Variants in MYOZ2 observed in about 807,000 individuals in gnomAD.
MYOZ2 encodes the protein myozenin-2.
MYOZ2 carries 19 observed loss-of-function variants against 25.4 expected under a neutral mutation model. The observed-to-expected ratio is 0.75, with a 90% CI of 0.52 to 1.10. The LOEUF (loss-of-function observed/expected upper bound fraction) is 1.10. Among genes scored for constraint, MYOZ2 ranks in the 50% least tolerant of loss-of-function variants. The pLI is 0.00. For synonymous variants in MYOZ2, 92 were observed against 106.9 expected (o/e 0.86, Z 0.86); for missense variants, 270 against 317.9 (o/e 0.85, Z 1.15).
intron 2 of MYOZ2, among the ~76,000 whole-genome samples, chr4:119,138,855 T>C (rs1741096832): frequency 6.6e-6 from 1 of 152,134 alleles, no homozygotes; most frequent in Admixed American, 6.6e-5. Context: ...GGAAATTCAA[T>C]CCCATTCTTG....
intron 5 of MYOZ2, among the ~76,000 whole-genome samples, chr4:119,170,098 C>T (rs1055695579): frequency 6.6e-6 from 1 of 152,040 alleles, no homozygotes; most frequent in Non-Finnish European, 1.5e-5. Flanking sequence ...TGTCGTGCCA[C>T]CATCACCACC....
At chr4:119,151,611 A>G (rs1433495878) in intron 3 of MYOZ2, among the ~76,000 whole-genome samples, 1 of 152,184 alleles carries the variant, frequency 6.6e-6, no homozygotes, top group African/African-American at 2.4e-5. Flanking sequence ...AACAAAAATT[A>G]AACTACATTT....
intron 5 of MYOZ2, among the ~76,000 whole-genome samples, chr4:119,167,444 ATCT>A (rs1464540572): frequency 6.6e-6 from 1 of 150,720 alleles, no homozygotes; most frequent in Non-Finnish European, 1.5e-5. Flanking sequence ...GAAAGACGCC[ATCT>A]TCTTAACTTT....
chr4:119,166,226 A>G (rs1741820789), intron 5 of MYOZ2, among the ~76,000 whole-genome samples: 1 of 152,148 alleles, frequency 6.6e-6, no homozygotes, highest in South Asian at 2.1e-4. Flanking sequence ...ACATGATATG[A>G]TACATAGACA....
At chr4:119,146,254 C>A (rs879483854) in intron 2 of MYOZ2, among the ~76,000 whole-genome samples, 1 of 150,892 alleles carries the variant, frequency 6.6e-6, no homozygotes, top group African/African-American at 2.4e-5. Context: ...CTATTTCTTT[C>A]GTTCTGCTTG....
At chr4:119,165,285 G>A (rs1027457650) in intron 5 of MYOZ2, among the ~76,000 whole-genome samples, 2 of 151,344 alleles carry the variant, frequency 1.3e-5, no homozygotes. Context: ...TGAGGTGGGT[G>A]GATCACTTGA....
intron 4 of MYOZ2, among the ~76,000 whole-genome samples, chr4:119,160,598 T>C (rs566642201): frequency 1.6e-4 from 25 of 152,242 alleles, no homozygotes; most frequent in African/African-American, 5.5e-4. Flanking sequence ...AATATGTGTG[T>C]GGTTGTATAT....
In MYOZ2 at chr4:119,157,641, C is replaced by A. The variant is rs1741611176; in HGVS notation, c.247-381C>A. On this transcript the variant is annotated intron_variant, in intron 3 of 5. Coordinates refer to ENST00000307128, the MANE Select transcript of MYOZ2 (RefSeq NM_016599.5). ...AAGATTTACTAGGCCAAATGCTTAG[C>A]CAGTATGCTCTACATTATTAGATTA... 2.6e-5 allele frequency among the ~76,000 whole-genome samples: 4 copies of A among 152,076 alleles called. No homozygotes were observed. The South Asian group carries it at 8.3e-4, about 32-fold the overall frequency.
intron 5 of MYOZ2, among the ~76,000 whole-genome samples, chr4:119,178,327 G>A (rs1055545948): frequency 2.0e-5 from 3 of 152,078 alleles, no homozygotes; most frequent in African/African-American, 7.2e-5. Flanking sequence ...TATCACCTGT[G>A]TGCTGATAAT....
rs1561104817 is a variant in MYOZ2 at position 119,145,550 on chromosome 4, T to TGTGTGTGTGTG, written c.77-5322_77-5321insGTGTGTGTGTG. 5.6e-3 allele frequency among the ~76,000 whole-genome samples: 580 copies of TGTGTGTGTGTG among 102,980 alleles called. 3 individuals are homozygous for TGTGTGTGTGTG. The highest frequency in any genetic ancestry group is 7.6e-3 in the Non-Finnish European group (366 of 48,046). 67.6% of individuals were successfully genotyped at this position (102,980 alleles called of 152,430 possible). ...TGTGTGTGTGTGTGTGTGTGTGTGT[T>TGTGTGTGTGTG]TTTGGTAGAGACTTGGTTTCACCAT... On this transcript the variant is annotated intron_variant, in intron 2 of 5. Coordinates refer to ENST00000307128, the MANE Select transcript of MYOZ2 (RefSeq NM_016599.5).
At chr4:119,142,422 C>A (rs2149219063) in intron 2 of MYOZ2, among the ~76,000 whole-genome samples, 2 of 152,296 alleles carry the variant, frequency 1.3e-5, no homozygotes, top group Middle Eastern at 6.8e-3. Flanking sequence ...TTCATAGACA[C>A]ACTAAAAAAT....
intron 2 of MYOZ2, among the ~76,000 whole-genome samples, chr4:119,141,818 G>C (rs1448131235): frequency 1.3e-5 from 2 of 152,204 alleles, no homozygotes; most frequent in Non-Finnish European, 2.9e-5. Flanking sequence ...GCAAGGGTTT[G>C]CAGCGAAGGG....
intron 2 of MYOZ2, 132 bp from the exon 3 acceptor site, chr4:119,150,740 G>A (rs1741428060): frequency 5.6e-6 from 5 of 886,592 alleles, no homozygotes; most frequent in Non-Finnish European, 7.0e-6. Context: ...AGGAACTGAG[G>A]TTTAGAGAAA....
At position 119,187,686 on chromosome 4, in the gene MYOZ2, GATA is replaced by G. The variant is rs1156746465; in HGVS notation, c.*1489_*1491del. The G allele has an allele frequency of 6.6e-6, 1 of 152,048 alleles. No individual in the cohort carries two copies. The highest frequency in any genetic ancestry group is 1.5e-5 in the Non-Finnish European group (1 of 68,000). The allele number at this position is 152,048 out of a possible 1,614,324, so 9.4% of individuals were successfully genotyped here. On this transcript the variant is annotated 3_prime_UTR_variant, in exon 6 of 6. Coordinates refer to ENST00000307128, the MANE Select transcript of MYOZ2 (RefSeq NM_016599.5). ...TTTTGGTGTTTACCTGTTTTAAAAT[GATA>G]ATGTTGGCATCTGTGATAAACTATC...
intron 4 of MYOZ2, among the ~76,000 whole-genome samples, chr4:119,159,446 C>G (rs1273476497): frequency 1.3e-5 from 2 of 152,062 alleles, no homozygotes; most frequent in Non-Finnish European, 2.9e-5. Flanking sequence ...GAATCAACTC[C>G]TTATTCAGTC....
chr4:119,185,697 A>G (rs759207795), intron 5 of MYOZ2, among the ~76,000 whole-genome samples: 29 of 152,218 alleles, frequency 1.9e-4, no homozygotes, highest in Non-Finnish European at 3.5e-4. Flanking sequence ...TGTACAGGGA[A>G]TAGATTAGTC....
intron 3 of MYOZ2, among the ~76,000 whole-genome samples, chr4:119,157,508 G>GT (rs200493115): frequency 4.0e-3 from 615 of 152,000 alleles, no homozygotes; most frequent in Non-Finnish European, 5.9e-3. Context: ...TGATTTTTGT[G>GT]TTTTTTTGGA....
At position 119,158,327 on chromosome 4, in the gene MYOZ2, G is replaced by A. The variant is rs115337433; in HGVS notation, c.376+176G>A. Among the ~76,000 whole-genome samples the A allele has an allele frequency of 0.02, 3,030 of 152,216 alleles. 98 individuals are homozygous for A. Among genetic ancestry groups the A allele is most frequent in the African/African-American group, 0.069 (2,870 of 41,504 alleles). On this transcript the variant is annotated intron_variant, in intron 4 of 5. Transcript: ENST00000307128. Reference sequence around the variant, plus strand: ...TCCCAGCACTTTGGGAGACTGAGGTGGGTGGATCACCTGAGCCCACAAGTT... The same window carrying A: ...TCCCAGCACTTTGGGAGACTGAGGTAGGTGGATCACCTGAGCCCACAAGTT...
In MYOZ2 at chr4:119,179,013, CCTCCTTTAAGCTGTT is replaced by C. The variant is rs371785706; in HGVS notation, c.561-6948_561-6934del. Among the ~76,000 whole-genome samples, 828 of 152,306 alleles carry C rather than the reference CCTCCTTTAAGCTGTT, an allele frequency of 5.4e-3. 3 individuals are homozygous for C. The highest frequency in any genetic ancestry group is 9.2e-3 in the Non-Finnish European group (626 of 68,030). Reference sequence around the variant, plus strand: ...CTGGACTTGGTGCTTTCACTCTTGCCCTCCTTTAAGCTGTTCTCCATAGAACAGCCAGAAAGAAAT... The same window carrying C: ...CTGGACTTGGTGCTTTCACTCTTGCCCTCCATAGAACAGCCAGAAAGAAAT... On this transcript the variant is annotated intron_variant, in intron 5 of 5. Coordinates refer to ENST00000307128, the MANE Select transcript of MYOZ2 (RefSeq NM_016599.5).
Sources: gnomAD v4.1 joint callset for allele counts (sites outside exome capture counted in the v4.1 genomes callset) on GRCh38, gnomAD v4.1.1 for gene constraint, MANE v1.5 for transcripts, NCBI Gene and HGNC (gene_info 2026-07-23, HGNC 2026-07-21) for gene names.